The following CACNA1E variants were observed in gnomAD, a reference collection of about 807,000 sequenced individuals.
CACNA1E encodes voltage-dependent R-type calcium channel subunit alpha-1E.
CACNA1E carries 40 observed loss-of-function variants against 259.2 expected under a neutral mutation model. The ratio of observed to expected loss-of-function variants is 0.15; its 90% CI spans 0.12 to 0.20. The LOEUF (loss-of-function observed/expected upper bound fraction) is 0.20, where lower values mean the gene tolerates loss of function less well. Among genes scored for constraint, CACNA1E ranks in the 10% least tolerant of loss-of-function variants. The probability of loss-of-function intolerance (pLI) is 1.00; values close to 1 mark genes in which losing one functional copy is unlikely to be tolerated. For synonymous variants in CACNA1E, 1,104 were observed against 1,138.5 expected (o/e 0.97, Z 0.61); for missense variants, 1,874 against 3,040.1 (o/e 0.62, Z 9.02).
chr1:181,785,352 A>G lies in CACNA1E; in HGVS notation c.5613A>G (p.Ala1871=), dbSNP rs182604386. ...TGACTGTGGGCAAAATCTATGCAGC[A>G]ATGATGATCATGGACTACTATAAGC... The part of the protein sequence containing the change: ...SDLTVGKIYA[A]MMIMDYYKQS... The change falls in exon 42 of 48, where the codon GCA becomes GCG. Residue 1871 remains alanine (A), a synonymous_variant. Coordinates refer to ENST00000367573, the MANE Select transcript of CACNA1E (RefSeq NM_001205293.3). The G allele has an allele frequency of 6.2e-6, 10 of 1,613,696 alleles. No individual in the cohort carries two copies. The African/African-American group carries it at 1.1e-4, about 17-fold the overall frequency.
At chr1:181,368,736 C>T (rs963457202) in intron 1 of CACNA1E, among the ~76,000 whole-genome samples, 2 of 152,060 alleles carry the variant, frequency 1.3e-5, no homozygotes, top group African/African-American at 4.8e-5. Context: ...TAAACAAAGC[C>T]CCTCGCACTC....
intron 3 of CACNA1E, among the ~76,000 whole-genome samples, chr1:181,561,303 G>C (rs575282458): frequency 4.3e-4 from 65 of 152,150 alleles, no homozygotes; most frequent in Middle Eastern, 3.4e-3. Context: ...GGGTTTATTG[G>C]GGTATAATTT....
At chr1:181,322,107 G>A (rs992962171) in intron 1 of CACNA1E, among the ~76,000 whole-genome samples, 7 of 152,180 alleles carry the variant, frequency 4.6e-5, no homozygotes, top group Non-Finnish European at 2.9e-5. Flanking sequence ...CTATAGGCAG[G>A]CCTCAGCCCA....
At chr1:181,447,900 T>A (rs1660897243) in intron 2 of CACNA1E, among the ~76,000 whole-genome samples, 2 of 152,198 alleles carry the variant, frequency 1.3e-5, no homozygotes, top group Non-Finnish European at 2.9e-5. Context: ...CTTCTCTCCA[T>A]CTTCAAAGCC....
chr1:181,653,408 G>A (rs1339071035), intron 7 of CACNA1E, among the ~76,000 whole-genome samples: 1 of 152,192 alleles, frequency 6.6e-6, no homozygotes, highest in Non-Finnish European at 1.5e-5. Flanking sequence ...TCTCTTGTCT[G>A]CTGCCAAGTG....
intron 1 of CACNA1E, among the ~76,000 whole-genome samples, chr1:181,370,850 AT>A (rs1654646988): frequency 6.6e-6 from 1 of 152,144 alleles, no homozygotes; most frequent in Non-Finnish European, 1.5e-5. Flanking sequence ...AAATTTCCAA[AT>A]TGCTTTCCAC....
intron 1 of CACNA1E, among the ~76,000 whole-genome samples, chr1:181,489,173 T>A (rs1366164783): frequency 1.3e-5 from 2 of 152,188 alleles, no homozygotes; most frequent in African/African-American, 4.8e-5. Flanking sequence ...ATTTTGCTTA[T>A]CACTGACCAC....
intron 1 of CACNA1E, among the ~76,000 whole-genome samples, chr1:181,375,077 T>G (rs529326094): frequency 3.3e-4 from 50 of 152,238 alleles, no homozygotes; most frequent in African/African-American, 1.2e-3. Context: ...AGTTATGAAG[T>G]GGGCTTCAGT....
intron 42 of CACNA1E, 38 bp downstream of exon 42, chr1:181,785,456 T>C: frequency 7.1e-7 from 1 of 1,405,646 alleles, no homozygotes; most frequent in Non-Finnish European, 1.0e-6. Context: ...GGGTGGGCCA[T>C]GAGGAGTTGC....
chr1:181,442,115 G>A (rs1660516595), intron 2 of CACNA1E, among the ~76,000 whole-genome samples: 1 of 152,022 alleles, frequency 6.6e-6, no homozygotes, highest in African/African-American at 2.4e-5. Flanking sequence ...CTCACTTGGG[G>A]CATGGGGAGA....
chr1:181,520,437 A>G (rs1236314604), intron 3 of CACNA1E, among the ~76,000 whole-genome samples: 1 of 152,200 alleles, frequency 6.6e-6, no homozygotes, highest in Non-Finnish European at 1.5e-5. Context: ...CACATAAAGC[A>G]CCATGAGTGC....
upstream of CACNA1E, among the ~76,000 whole-genome samples, chr1:181,479,451 C>T (rs1006275318): frequency 1.3e-5 from 2 of 152,174 alleles, no homozygotes; most frequent in African/African-American, 4.8e-5. Flanking sequence ...GCTAATTTTC[C>T]ACATTTCCAT....
intron 6 of CACNA1E, among the ~76,000 whole-genome samples, chr1:181,587,337 G>C (rs1005549426): frequency 2.0e-5 from 3 of 152,198 alleles, no homozygotes; most frequent in Non-Finnish European, 4.4e-5. Flanking sequence ...GGAGTTAGTT[G>C]TGATGAAGTT....
At chr1:181,586,224 G>A (rs1652047801) in intron 6 of CACNA1E, among the ~76,000 whole-genome samples, 2 of 152,180 alleles carry the variant, frequency 1.3e-5, no homozygotes, top group East Asian at 3.9e-4. Flanking sequence ...AAGAACACAG[G>A]TAAAGTATGT....
At chr1:181,450,200 G>A (rs1182540000) in intron 2 of CACNA1E, among the ~76,000 whole-genome samples, 1 of 152,120 alleles carries the variant, frequency 6.6e-6, no homozygotes, top group African/African-American at 2.4e-5. Context: ...GAATAGCAAG[G>A]GGGAAGTCTG....
rs567778708 is a variant in CACNA1E at position 181,782,741 on chromosome 1, C to G, written c.5365-938C>G. 3.3e-5 allele frequency among the ~76,000 whole-genome samples: 5 copies of G among 152,174 alleles called. No homozygotes were observed. The East Asian group carries it at 9.6e-4, about 29-fold the overall frequency. On this transcript the variant is annotated intron_variant, in intron 39 of 47. Transcript: ENST00000367573. Reference sequence around the variant, plus strand: ...TGGCCATTAGGGACCCTCATTCCCCCCAGTACATGGCTCCTCGTGCACAGC... The same window carrying G: ...TGGCCATTAGGGACCCTCATTCCCCGCAGTACATGGCTCCTCGTGCACAGC...
chr1:181,442,936 G>A (rs1022060943), intron 2 of CACNA1E, among the ~76,000 whole-genome samples: 7 of 152,132 alleles, frequency 4.6e-5, no homozygotes, highest in African/African-American at 1.4e-4. Flanking sequence ...TGTCAGGAGC[G>A]CCCTGGTCAC....
At chr1:181,725,660 G>T (rs1334360307) in intron 17 of CACNA1E, among the ~76,000 whole-genome samples, 2 of 152,232 alleles carry the variant, frequency 1.3e-5, no homozygotes, top group African/African-American at 2.4e-5. Flanking sequence ...TACTTGGCGG[G>T]GTCCTTGCCT....
intron 3 of CACNA1E, among the ~76,000 whole-genome samples, chr1:181,535,823 G>A (rs1236296110): frequency 6.6e-6 from 1 of 151,990 alleles, no homozygotes; most frequent in Non-Finnish European, 1.5e-5. Context: ...AAGTAGCTGG[G>A]ATTACAGGCA....
Sources: gnomAD v4.1 joint callset for allele counts (sites outside exome capture counted in the v4.1 genomes callset) on GRCh38, gnomAD v4.1.1 for gene constraint, MANE v1.5 for transcripts, NCBI Gene and HGNC (gene_info 2026-07-23, HGNC 2026-07-21) for gene names.